EFCAB11: variants seen among roughly 807,000 people sequenced by gnomAD.
EFCAB11 encodes the protein EF-hand calcium binding domain 11.
EFCAB11 carries 14 observed loss-of-function variants against 23.0 expected under a neutral mutation model. The ratio of observed to expected loss-of-function variants is 0.61; its 90% CI spans 0.40 to 0.95. The LOEUF (loss-of-function observed/expected upper bound fraction) is 0.95. EFCAB11 is among the 40% of genes least tolerant of loss of function. The pLI is 0.00. For missense variants in EFCAB11, 198 were observed against 195.8 expected, an observed-to-expected ratio of 1.01 and a Z score of -0.07; for synonymous variants, 65 against 66.6, an observed-to-expected ratio of 0.98 and a Z score of 0.11.
intron 5 of EFCAB11, among the ~76,000 whole-genome samples, chr14:89,815,855 C>T (rs772114909): frequency 3.9e-5 from 6 of 152,122 alleles, no homozygotes; most frequent in African/African-American, 9.6e-5. Context: ...ACTCATTTCT[C>T]GGGTTCAACT....
At chr14:89,900,388 A>C (rs1889303438) in intron 5 of EFCAB11, among the ~76,000 whole-genome samples, 3 of 152,182 alleles carry the variant, frequency 2.0e-5, no homozygotes, top group African/African-American at 7.2e-5. Flanking sequence ...CATGGCTAGA[A>C]TGGAATATTT....
At chr14:89,915,700 A>C (rs1340129772) in intron 5 of EFCAB11, among the ~76,000 whole-genome samples, 1 of 152,204 alleles carries the variant, frequency 6.6e-6, no homozygotes, top group Admixed American at 6.5e-5. Flanking sequence ...CAATCTACCC[A>C]CCAAAGTTAA....
At chr14:89,841,219 C>T (rs548667540) in intron 5 of EFCAB11, among the ~76,000 whole-genome samples, 3 of 152,298 alleles carry the variant, frequency 2.0e-5, no homozygotes, top group South Asian at 2.1e-4. Context: ...CTTGGTTTTT[C>T]GTTGGAGACA....
In EFCAB11 at chr14:89,836,631, C is replaced by G. The variant is rs550531377; in HGVS notation, c.411-39307G>C. ...GAAATTGATGAATCCCAAATAAAAC[C>G]TCTCCCTTCTAGCTCATTATTAATG... On this transcript the variant is annotated intron_variant, in intron 5 of 5. Coordinates refer to ENST00000316738, the MANE Select transcript of EFCAB11 (RefSeq NM_145231.4). 6 of 456,744 alleles carry G rather than the reference C, an allele frequency of 1.3e-5. No homozygotes were observed. The East Asian group carries it at 4.2e-4, about 32-fold the overall frequency. 28.3% of individuals were successfully genotyped at this position (456,744 alleles called of 1,614,324 possible). A position where few individuals can be genotyped will look rare whatever the true frequency, so the allele number is the denominator to read the frequency against.
intron 5 of EFCAB11, among the ~76,000 whole-genome samples, chr14:89,920,450 A>G (rs1479259466): frequency 6.6e-6 from 1 of 152,216 alleles, no homozygotes; most frequent in African/African-American, 2.4e-5. Context: ...AAGGAATATG[A>G]CAGTGATTAA....
chr14:89,846,643 C>T (rs918468737), intron 5 of EFCAB11, among the ~76,000 whole-genome samples: 18 of 152,182 alleles, frequency 1.2e-4, no homozygotes, highest in African/African-American at 4.1e-4. Flanking sequence ...GTACTCACAA[C>T]TCAGTTCTTC....
intron 3 of EFCAB11, 41 bp from the exon 4 acceptor site, chr14:89,932,668 CT>C: frequency 6.8e-7 from 1 of 1,476,412 alleles, no homozygotes; most frequent in Non-Finnish European, 9.4e-7. Context: ...AGATTATTGT[CT>C]TCCTCTTTAA....
intron 5 of EFCAB11, among the ~76,000 whole-genome samples, chr14:89,894,942 T>C (rs1959524388): frequency 6.6e-6 from 1 of 152,190 alleles, no homozygotes; most frequent in South Asian, 2.1e-4. Context: ...GTGTGCAATA[T>C]AGAGTAGTAA....
intron 5 of EFCAB11, among the ~76,000 whole-genome samples, chr14:89,844,931 G>A (rs569948354): frequency 2.6e-5 from 4 of 151,990 alleles, no homozygotes; most frequent in African/African-American, 9.7e-5. Flanking sequence ...TCTGTATCTC[G>A]CACTGTGGGT....
chr14:89,938,230 T>C (rs1267096143), intron 3 of EFCAB11: 1 of 152,182 alleles, frequency 6.6e-6, no homozygotes, highest in Non-Finnish European at 1.5e-5. Context: ...AGCCTGGTCC[T>C]AGATTTAGTA....
chr14:89,892,030 C>T (rs1409497652), intron 5 of EFCAB11: 42 of 1,537,974 alleles, frequency 2.7e-5, no homozygotes, highest in Non-Finnish European at 3.2e-5. Flanking sequence ...GCTGCATCAC[C>T]GGGTCCTTTT....
intron 5 of EFCAB11, among the ~76,000 whole-genome samples, chr14:89,805,859 C>G (rs1885952584): frequency 6.6e-6 from 1 of 152,172 alleles, no homozygotes; most frequent in East Asian, 1.9e-4. Flanking sequence ...ACTTGATGGA[C>G]AGACAGCAGA....
At chr14:89,954,544 C>G (rs1231235276) in intron 1 of EFCAB11, 42 bp downstream of exon 1, 1 of 1,608,068 alleles carries the variant, frequency 6.2e-7, no homozygotes, top group Admixed American at 1.7e-5. Context: ...GAGGCCCAGG[C>G]CAAGCTGAAG....
chr14:89,929,118 C>T (rs1450791559), intron 5 of EFCAB11, among the ~76,000 whole-genome samples: 1 of 143,336 alleles, frequency 7.0e-6, no homozygotes, highest in Non-Finnish European at 1.5e-5. Flanking sequence ...GCAACCTTGG[C>T]TCACTGCAGC....
chr14:89,913,665 T>C (rs1313349111), intron 5 of EFCAB11, among the ~76,000 whole-genome samples: 3 of 152,200 alleles, frequency 2.0e-5, no homozygotes, highest in Non-Finnish European at 4.4e-5. Flanking sequence ...AGCTCCTAAT[T>C]AACAGTGTTT....
intron 5 of EFCAB11, among the ~76,000 whole-genome samples, chr14:89,895,778 G>C (rs1407626919): frequency 6.6e-6 from 1 of 152,104 alleles, no homozygotes. Flanking sequence ...CTCTAACTAT[G>C]ACAAAGATTC....
chr14:89,896,849 C>T (rs1402269247), intron 5 of EFCAB11, among the ~76,000 whole-genome samples: 2 of 152,090 alleles, frequency 1.3e-5, no homozygotes, highest in Non-Finnish European at 2.9e-5. Context: ...TCAGCCTCCA[C>T]AGTAGCTAGG....
intron 5 of EFCAB11, among the ~76,000 whole-genome samples, chr14:89,904,377 G>A (rs1038990044): frequency 6.6e-6 from 1 of 152,096 alleles, no homozygotes; most frequent in Non-Finnish European, 1.5e-5. Context: ...GTCTATCATT[G>A]ATGGACATAT....
At chr14:89,838,110 G>T (rs375331481) in intron 5 of EFCAB11, among the ~76,000 whole-genome samples, 1 of 152,130 alleles carries the variant, frequency 6.6e-6, no homozygotes, top group Non-Finnish European at 1.5e-5. Context: ...CTGTAGGGAA[G>T]TTAAGCTCTT....
Sources: gnomAD v4.1 joint callset for allele counts (sites outside exome capture counted in the v4.1 genomes callset) on GRCh38, gnomAD v4.1.1 for gene constraint, MANE v1.5 for transcripts, NCBI Gene and HGNC (gene_info 2026-07-23, HGNC 2026-07-21) for gene names.